FRYL: variants seen among roughly 807,000 people sequenced by gnomAD.
FRYL encodes the protein FRY like transcription coactivator.
A neutral mutation model predicts 351.2 loss-of-function variants in FRYL; 150 were observed. The observed-to-expected ratio is 0.43, with a 90% CI of 0.37 to 0.49. The LOEUF (loss-of-function observed/expected upper bound fraction) is 0.49. Among genes scored for constraint, FRYL ranks in the 20% least tolerant of loss-of-function variants. The pLI is 0.00. For synonymous variants in FRYL, 1,153 were observed against 1,257.1 expected (o/e 0.92, Z 1.75); for missense variants, 3,036 against 3,619.3 (o/e 0.84, Z 4.13).
chr4:48,498,169 G>C lies in FRYL; in HGVS notation c.*1253C>G, dbSNP rs1250248083. On this transcript the variant is annotated 3_prime_UTR_variant, in exon 64 of 64. Transcript: ENST00000358350. The stretch of plus-strand genomic sequence containing the variant: ...TACTACAGACTTAGACAGTGAATAA[G>C]TATATTGCATGTTTTGGTAGTCAGT... The C allele has an allele frequency of 6.6e-6, 1 of 151,382 alleles. No individual in the cohort carries two copies. The highest frequency in any genetic ancestry group is 1.5e-5 in the Non-Finnish European group (1 of 67,956). The allele number at this position is 151,382 out of a possible 1,614,324, so 9.4% of individuals were successfully genotyped here.
intron 10 of FRYL, among the ~76,000 whole-genome samples, 170 bp downstream of exon 10, chr4:48,606,268 G>A (rs1746810609): frequency 6.6e-6 from 1 of 150,966 alleles, no homozygotes; most frequent in African/African-American, 2.4e-5. Context: ...GTGAGACTCT[G>A]TCTCAAGGAA....
chr4:48,546,778 C>G (rs1362181507), intron 41 of FRYL: 1 of 153,294 alleles, frequency 6.5e-6, no homozygotes, highest in Non-Finnish European at 1.5e-5. Context: ...GCCTTAAAAA[C>G]AAACAAGCTA....
intron 3 of FRYL, chr4:48,654,054 C>T: frequency 2.0e-6 from 1 of 490,886 alleles, no homozygotes; most frequent in Non-Finnish European, 3.0e-6. Flanking sequence ...AGAAGGACAC[C>T]CTCACCTTTC....
At position 48,675,806 on chromosome 4, in the gene FRYL, G is replaced by C. The variant is rs192693740; in HGVS notation, c.-81+8867C>G. Among the ~76,000 whole-genome samples the C allele has an allele frequency of 5.6e-3, 857 of 152,368 alleles. 4 individuals carry two copies. Among genetic ancestry groups the C allele is most frequent in the Non-Finnish European group, 8.5e-3 (577 of 68,030 alleles). ...ACTAGGTGAAGCCAGCTGGGCTCCT[G>C]AGTCTGGTGGGGCCTTGGAGAATCT... On this transcript the variant is annotated intron_variant, in intron 3 of 63. Transcript: ENST00000358350.
At chr4:48,652,769 T>C (rs1757983413) in intron 3 of FRYL, among the ~76,000 whole-genome samples, 1 of 152,210 alleles carries the variant, frequency 6.6e-6, no homozygotes, top group South Asian at 2.1e-4. Context: ...GGTAAAGAGT[T>C]AACCTGGAAA....
At chr4:48,547,837 C>G (rs1560580055) in intron 40 of FRYL, 68 bp from the exon 41 acceptor site, 1 of 1,071,320 alleles carries the variant, frequency 9.3e-7, no homozygotes, top group Admixed American at 2.8e-5. Context: ...ACCAAACTCA[C>G]ATTTTGAAGA....
At chr4:48,550,037 C>T (rs367650996) in intron 38 of FRYL, among the ~76,000 whole-genome samples, 1 of 152,254 alleles carries the variant, frequency 6.6e-6, no homozygotes. Context: ...AGTGGGGCTG[C>T]GGGGTGCAAT....
intron 60 of FRYL, among the ~76,000 whole-genome samples, chr4:48,504,407 G>A (rs1720438592): frequency 6.6e-6 from 1 of 151,938 alleles, no homozygotes; most frequent in Non-Finnish European, 1.5e-5. Context: ...CAAGGTAGAG[G>A]GGATATAAAA....
In FRYL at chr4:48,564,128, G is replaced by A. The variant is rs116326774; in HGVS notation, c.3442-26C>T. The A allele has an allele frequency of 3.1e-4, 493 of 1,611,176 alleles. 2 individuals are homozygous for A. In the African/African-American group the frequency reaches 5.8e-3, roughly 19 times the overall value. ...CTAGGTAAAGGTTGTGAAATTGCCCGAGAGAGAACGTTATATATTTTTTGT... is the reference window on the plus strand; with the variant it reads ...CTAGGTAAAGGTTGTGAAATTGCCCAAGAGAGAACGTTATATATTTTTTGT... On this transcript the variant is annotated intron_variant, in intron 30 of 63. Transcript: ENST00000358350.
rs772204283 is a variant in FRYL, at chr4:48,755,019, T to C, written c.-384+25059A>G. On this transcript the variant is annotated intron_variant, in intron 1 of 63. Coordinates refer to ENST00000358350, the MANE Select transcript of FRYL (RefSeq NM_015030.2). Reference sequence around the variant, plus strand: ...AGCATTGTGTACAGAACTGTGTACATTGCAGAATAATGTAAGACTAGCACT... The same window carrying C: ...AGCATTGTGTACAGAACTGTGTACACTGCAGAATAATGTAAGACTAGCACT... Among the ~76,000 whole-genome samples the C allele has an allele frequency of 7.0e-4, 107 of 152,202 alleles. 4 individuals are homozygous for C. Among genetic ancestry groups the C allele is most frequent in the Non-Finnish European group, 4.4e-5 (3 of 68,034 alleles).
chr4:48,743,087 G>A (rs1440134109), intron 1 of FRYL, among the ~76,000 whole-genome samples: 3 of 148,578 alleles, frequency 2.0e-5, no homozygotes, highest in Non-Finnish European at 4.4e-5. Context: ...CCAAAGTGCT[G>A]GGATTACAGG....
At chr4:48,581,386 C>T (rs1387920430) in intron 21 of FRYL, 34 bp downstream of exon 21, 3 of 1,562,208 alleles carry the variant, frequency 1.9e-6, no homozygotes, top group South Asian at 2.4e-5. Context: ...TAAGTACTTT[C>T]AATAGATAAC....
chr4:48,505,582 T>C lies in FRYL; in HGVS notation c.8428A>G (p.Lys2810Glu). Residue 2810 changes from lysine to glutamate, a missense_variant, in exon 60 of 64, where the codon AAA becomes GAA. Physicochemically the swap from Lys to Glu is moderately conservative, Grantham distance 56 (BLOSUM62 1). Transcript: ENST00000358350. ...LDDCKRTFGAKEDMYRINTDA... is the reference protein window; with the variant it reads ...LDDCKRTFGAEEDMYRINTDA... ...GTGTTTATCCTATACATGTCTTCTTTGGCACCAAATGTCCTCTTACAATCA... is the reference window on the plus strand; with the variant it reads ...GTGTTTATCCTATACATGTCTTCTTCGGCACCAAATGTCCTCTTACAATCA... 1.2e-6 allele frequency: 2 copies of C among 1,610,042 alleles called. No homozygotes were observed. The highest frequency in any genetic ancestry group is 1.7e-6 in the Non-Finnish European group (2 of 1,177,542).
At position 48,542,225 on chromosome 4, in the gene FRYL, T is replaced by C. The variant is rs77742868; in HGVS notation, c.5593-104A>G. 1.2e-3 allele frequency: 961 copies of C among 771,138 alleles called. 7 individuals carry two copies. The East Asian group carries it at 0.015, about 12-fold the overall frequency. 47.8% of individuals were successfully genotyped at this position (771,138 alleles called of 1,614,324 possible). A position where few individuals can be genotyped will look rare whatever the true frequency, so the allele number is the denominator to read the frequency against. On this transcript the variant is annotated intron_variant, in intron 44 of 63. Transcript: ENST00000358350. ...AAATAGAACAAACTCCATGTTATGTTACAAAATGATTAAACTCTTGAGCAA... is the reference window on the plus strand; with the variant it reads ...AAATAGAACAAACTCCATGTTATGTCACAAAATGATTAAACTCTTGAGCAA...
At position 48,659,525 on chromosome 4, in the gene FRYL, G is replaced by A. The variant is rs1156879083; in HGVS notation, c.-80-25035C>T. On this transcript the variant is annotated intron_variant, in intron 3 of 63. Transcript: ENST00000358350. ...GGAGAAGAAGAAGAGGGAGAAGAGG[G>A]AGAAGGAGAAGAGGGAGAAGGAGAA... 5.1e-3 allele frequency among the ~76,000 whole-genome samples: 5 copies of A among 990 alleles called. 1 individual carries two copies. Among genetic ancestry groups the A allele is most frequent in the African/African-American group, 5.3e-3 (5 of 946 alleles). 0.6% of individuals were successfully genotyped at this position (990 alleles called of 152,430 possible).
chr4:48,683,948 G>A (rs1764917447), intron 3 of FRYL, among the ~76,000 whole-genome samples: 1 of 152,106 alleles, frequency 6.6e-6, no homozygotes, highest in Non-Finnish European at 1.5e-5. Context: ...TCTGCAGGTT[G>A]TCCTTATCTA....
intron 3 of FRYL, among the ~76,000 whole-genome samples, chr4:48,682,978 T>G (rs776447139): frequency 6.6e-6 from 1 of 152,178 alleles, no homozygotes; most frequent in Non-Finnish European, 1.5e-5. Flanking sequence ...CGTATGTATA[T>G]TGCGGCACTG....
chr4:48,522,350 T>C (rs765090607), intron 54 of FRYL, among the ~76,000 whole-genome samples: 21 of 152,144 alleles, frequency 1.4e-4, no homozygotes, highest in Non-Finnish European at 2.9e-4. Flanking sequence ...TCTCCACTGG[T>C]TTCTTCCTTA....
intron 19 of FRYL, among the ~76,000 whole-genome samples, chr4:48,584,238 T>G (rs1028135093): frequency 6.6e-6 from 1 of 152,230 alleles, no homozygotes; most frequent in South Asian, 2.1e-4. Flanking sequence ...ATAGTCTGAA[T>G]GAATAAGGTA....
Sources: gnomAD v4.1 joint callset for allele counts (sites outside exome capture counted in the v4.1 genomes callset) on GRCh38, gnomAD v4.1.1 for gene constraint, MANE v1.5 for transcripts, NCBI Gene and HGNC (gene_info 2026-07-23, HGNC 2026-07-21) for gene names.